The following SYDE2 variants were observed in gnomAD, a reference collection of about 807,000 sequenced individuals.
SYDE2 encodes rho GTPase-activating protein SYDE2.
Under a neutral mutation model 91.5 loss-of-function variants are expected in SYDE2, and 76 were observed. That is an observed-to-expected ratio of 0.83 (90% CI 0.69 to 1.01). The LOEUF is 1.01. Ranked by LOEUF, SYDE2 falls within the 50% of genes least tolerant of loss-of-function variation. The probability of loss-of-function intolerance (pLI) is 0.00; values close to 1 mark genes in which losing one functional copy is unlikely to be tolerated. For missense variants in SYDE2, 1,364 were observed against 1,367.7 expected, an observed-to-expected ratio of 1.00 and a Z score of 0.04; for synonymous variants, 513 against 506.4, an observed-to-expected ratio of 1.01 and a Z score of -0.18.
At chr1:85,167,960 A>G (rs1018795884) in intron 5 of SYDE2, among the ~76,000 whole-genome samples, 2 of 151,994 alleles carry the variant, frequency 1.3e-5, no homozygotes, top group Non-Finnish European at 2.9e-5. Flanking sequence ...CTGAAAATAC[A>G]AAAATAAGTC....
At position 85,158,445 on chromosome 1, in the gene SYDE2, T is replaced by A. The variant is rs1033860569; in HGVS notation, c.*305A>T. 1 of 242,980 alleles carries A rather than the reference T, an allele frequency of 4.1e-6. No homozygotes were observed. The highest frequency in any genetic ancestry group is 1.0e-4 in the East Asian group (1 of 9,742). 15.1% of individuals were successfully genotyped at this position (242,980 alleles called of 1,614,324 possible). A position where few individuals can be genotyped will look rare whatever the true frequency, so the allele number is the denominator to read the frequency against. ...GTGGTTCCCATAAAGCAGAAAAACC[T>A]TGAGGGGCTAATAACTTATGTGAAC... On this transcript the variant is annotated 3_prime_UTR_variant, in exon 7 of 7. Coordinates refer to ENST00000341460, the MANE Select transcript of SYDE2 (RefSeq NM_032184.2).
At chr1:85,173,526 C>A (rs183155971) in intron 4 of SYDE2, among the ~76,000 whole-genome samples, 269 of 152,228 alleles carry the variant, frequency 1.8e-3, no homozygotes, top group African/African-American at 6.4e-3. Flanking sequence ...AGTTTTGCTT[C>A]AGTAGAGAAT....
At chr1:85,178,074 C>A in intron 4 of SYDE2, 72 bp downstream of exon 4, 1 of 1,226,496 alleles carries the variant, frequency 8.2e-7, no homozygotes, top group Non-Finnish European at 1.1e-6. Flanking sequence ...CAGCTACAAA[C>A]GTATTTCAGT....
Position 85,200,602 on chromosome 1 carries a change from T to A in SYDE2, c.395A>T (p.Asp132Val), listed in dbSNP as rs1280831675. 1 of 1,564,540 alleles carries A rather than the reference T, an allele frequency of 6.4e-7. No individual in the cohort carries two copies. Among genetic ancestry groups the A allele is most frequent in the Admixed American group, 1.9e-5 (1 of 52,966 alleles). Residue 132 changes from aspartate to valine, a missense_variant, in exon 1 of 7, where the codon GAC (aspartate) becomes GTC (valine). Transcript: ENST00000341460. ...GGTGGGTGCAGCCGCCCGGGCGCGG[T>A]CCCCACTCCAGCCGTCCATCCTGCC... ...RGGRMDGWSG[D>V]RARAAAPTGL...
chr1:85,172,099 G>A (rs1318457786), intron 4 of SYDE2, among the ~76,000 whole-genome samples: 2 of 152,180 alleles, frequency 1.3e-5, no homozygotes, highest in Non-Finnish European at 2.9e-5. Context: ...GAGTACACAT[G>A]AAGGAATTAG....
At chr1:85,196,476 CT>C (rs745423448) in intron 1 of SYDE2, among the ~76,000 whole-genome samples, 11 of 152,114 alleles carry the variant, frequency 7.2e-5, no homozygotes, top group Non-Finnish European at 1.6e-4. Flanking sequence ...CACAGCATTT[CT>C]TGGGAGCCAC....
downstream of SYDE2, chr1:85,154,258 T>G (rs1402607447): frequency 3.3e-5 from 5 of 150,816 alleles, no homozygotes; most frequent in Admixed American, 3.3e-4. Flanking sequence ...GTCTGGAAAC[T>G]AAATTCTTTT....
intron 4 of SYDE2, among the ~76,000 whole-genome samples, chr1:85,173,412 C>G (rs1474260057): frequency 6.6e-6 from 1 of 152,082 alleles, no homozygotes; most frequent in Non-Finnish European, 1.5e-5. Flanking sequence ...CTTCCAGCCT[C>G]CAGAACTGTG....
intron 3 of SYDE2, chr1:85,181,384 C>T (rs2100670757): frequency 6.6e-6 from 1 of 152,132 alleles, no homozygotes; most frequent in African/African-American, 2.4e-5. Context: ...CTCCTGACCT[C>T]AGGTGATCTG....
At chr1:85,171,098 G>A (rs1218080976) in intron 4 of SYDE2, among the ~76,000 whole-genome samples, 3 of 152,110 alleles carry the variant, frequency 2.0e-5, no homozygotes, top group African/African-American at 7.2e-5. Context: ...GTTTTAGGGG[G>A]TAAAGAGAAG....
chr1:85,186,144 G>A (rs972689836), intron 2 of SYDE2, among the ~76,000 whole-genome samples: 55 of 152,210 alleles, frequency 3.6e-4, no homozygotes, highest in Admixed American at 6.5e-4. Context: ...CAGGGATGAA[G>A]CCCACTTGAT....
At position 85,159,308 on chromosome 1, in the gene SYDE2, AAC is replaced by A. The variant is rs1032579218; in HGVS notation, c.3086-61_3086-60del. ...GTAATCCAACTGAACTTAAAAAAAAAACAGAGCTAAAGATAAGCCATTTAATC... is the reference window on the plus strand; with the variant it reads ...GTAATCCAACTGAACTTAAAAAAAAAAGAGCTAAAGATAAGCCATTTAATC... On this transcript the variant is annotated intron_variant, in intron 6 of 6. Coordinates refer to ENST00000341460, the MANE Select transcript of SYDE2 (RefSeq NM_032184.2). 509 of 735,620 alleles carry A rather than the reference AAC, an allele frequency of 6.9e-4. 3 individuals carry two copies. Among genetic ancestry groups the A allele is most frequent in the Non-Finnish European group, 6.4e-5 (26 of 406,202 alleles). 45.6% of individuals were successfully genotyped at this position (735,620 alleles called of 1,614,324 possible).
rs1415897973 is a variant in SYDE2 at position 85,200,863 on chromosome 1, CG to C, written c.133del (p.Arg45GlyfsTer122). ...TCCGCCGCCTCCCCGCTCCCCGTCCCGGGGGCAGGCTCGGCGGTACGCGGCG... is the reference window on the plus strand; with the variant it reads ...TCCGCCGCCTCCCCGCTCCCCGTCCCGGGGCAGGCTCGGCGGTACGCGGCG... ...RGAAYRRACP[R>X]DGERGGGGRP... is the part of the protein sequence containing the mutation. On this transcript the variant is annotated frameshift_variant, in exon 1 of 7. Transcript: ENST00000341460. LOFTEE classifies it high-confidence loss of function. 5 of 1,368,046 alleles carry C rather than the reference CG, an allele frequency of 3.7e-6. No homozygotes were observed. The highest frequency in any genetic ancestry group is 4.0e-5 in the Admixed American group (1 of 25,002). The allele number at this position is 1,368,046 out of a possible 1,614,324, so 84.7% of individuals were successfully genotyped here.
Position 85,169,136 on chromosome 1 carries a change from G to T in SYDE2, c.2761C>A (p.Pro921Thr). 4 of 1,613,850 alleles carry T rather than the reference G, an allele frequency of 2.5e-6. No homozygotes were observed. The highest frequency in any genetic ancestry group is 3.4e-6 in the Non-Finnish European group (4 of 1,179,786). ...CAACCATTTGATGACATTTTCAAAG[G>T]ACTTTTTGCCATTGCATCTAATACA... ...EAVLDAMAKS[P>T]LKMSSNGCEN... The change falls in exon 5 of 7, where the codon CCT (proline) becomes ACT (threonine). Residue 921 changes from proline to threonine, a missense_variant. Physicochemically the swap from Pro to Thr is conservative, Grantham distance 38. Coordinates refer to ENST00000341460, the MANE Select transcript of SYDE2 (RefSeq NM_032184.2).
intron 4 of SYDE2, among the ~76,000 whole-genome samples, chr1:85,176,412 T>C (rs575732551): frequency 1.3e-5 from 2 of 152,206 alleles, no homozygotes; most frequent in Admixed American, 6.5e-5. Flanking sequence ...TATCCAAGAG[T>C]TATATATTAA....
At chr1:85,155,853 T>C (rs1263444357), downstream of SYDE2, among the ~76,000 whole-genome samples, 1 of 152,146 alleles carries the variant, frequency 6.6e-6, no homozygotes, top group Admixed American at 6.5e-5. Flanking sequence ...AAACTGATTA[T>C]ATAAACTAAT....
chr1:85,169,004 T>C (rs908661909), intron 5 of SYDE2, 40 bp downstream of exon 5: 8 of 1,574,556 alleles, frequency 5.1e-6, no homozygotes, highest in Non-Finnish European at 6.1e-6. Flanking sequence ...TACAGTTCAT[T>C]AACTGGCTTT....
chr1:85,186,385 T>A lies in SYDE2; in HGVS notation c.1442-3185A>T, dbSNP rs1363344827. Among the ~76,000 whole-genome samples the A allele has an allele frequency of 2.0e-5, 3 of 152,322 alleles. No homozygotes were observed. The East Asian group carries it at 5.8e-4, about 29-fold the overall frequency. On this transcript the variant is annotated intron_variant, in intron 2 of 6. Transcript: ENST00000341460. ...CAGAAGGAATGGTACCAGTTCCTCC[T>A]TGTACCTCTGGTAGAATCTGGCTGT...
Position 85,200,592 on chromosome 1 carries a change from C to T in SYDE2, c.405G>A (p.Arg135=). 1.3e-6 allele frequency: 2 copies of T among 1,573,462 alleles called. No homozygotes were observed. Among genetic ancestry groups the T allele is most frequent in the South Asian group, 1.1e-5 (1 of 88,354 alleles). ...GCTGGAGGCCGGTGGGTGCAGCCGCCCGGGCGCGGTCCCCACTCCAGCCGT... is the reference window on the plus strand; with the variant it reads ...GCTGGAGGCCGGTGGGTGCAGCCGCTCGGGCGCGGTCCCCACTCCAGCCGT... ...RMDGWSGDRA[R]AAAPTGLQPP... Residue 135 remains arginine, a synonymous_variant, in exon 1 of 7, where the codon CGG becomes CGA. Transcript: ENST00000341460.
Sources: allele counts gnomAD v4.1 joint callset (sites outside exome capture counted in the v4.1 genomes callset), GRCh38; gene constraint gnomAD v4.1.1; transcripts MANE v1.5; gene names NCBI Gene and HGNC (gene_info 2026-07-23, HGNC 2026-07-21).